Variants in ACOT2 observed in about 807,000 individuals in gnomAD.
The protein encoded by ACOT2 is acyl-coenzyme A thioesterase 2, mitochondrial.
In ACOT2, 15 loss-of-function variants were observed where a neutral mutation model predicts 20.1. The observed-to-expected ratio is 0.75, with a 90% confidence interval of 0.50 to 1.15. ACOT2 has a LOEUF of 1.15. Among genes scored for constraint, ACOT2 ranks in the 50% most tolerant of loss-of-function variants. The pLI is 0.00. For missense variants in ACOT2, 479 were observed against 615.3 expected, an observed-to-expected ratio of 0.78 and a Z score of 2.34; for synonymous variants, 252 against 268.4, an observed-to-expected ratio of 0.94 and a Z score of 0.60.
chr14:73,575,042 A>G lies in ACOT2; in HGVS notation c.981A>G (p.Leu327=). The change falls in exon 3 of 3, where the codon TTA becomes TTG. Residue 327 remains leucine, a synonymous_variant. Coordinates refer to ENST00000238651, the MANE Select transcript of ACOT2 (RefSeq NM_006821.6). ...NGSVANVGGT[L]HYKGETLPPV... Reference sequence around the variant, plus strand: ...CTGTGGCCAATGTTGGGGGAACCTTACACTACAAGGGCGAGACCCTGCCCC... The same window carrying G: ...CTGTGGCCAATGTTGGGGGAACCTTGCACTACAAGGGCGAGACCCTGCCCC... 6.3e-7 allele frequency: 1 copy of G among 1,581,134 alleles called. No homozygotes were observed.
chr14:73,570,548 GAC>G (rs1889708470), intron 1 of ACOT2, among the ~76,000 whole-genome samples: 1 of 151,744 alleles, frequency 6.6e-6, no homozygotes. Flanking sequence ...CAGCCTGGGC[GAC>G]AGAGCGAGAC....
In ACOT2 at chr14:73,575,592, T is replaced by C. The variant is rs1889865595; in HGVS notation, c.*79T>C. 1 of 1,569,420 alleles carries C rather than the reference T, an allele frequency of 6.4e-7. No homozygotes were observed. Among genetic ancestry groups the C allele is most frequent in the Non-Finnish European group, 8.6e-7 (1 of 1,163,146 alleles). ...CCACATTTAGTGTGTGTATGTGTAT[T>C]CATTCTTTTGTTTTTAATAACTAAA... On this transcript the variant is annotated 3_prime_UTR_variant, in exon 3 of 3. Transcript: ENST00000238651.
chr14:73,569,230 A>G lies in ACOT2; in HGVS notation c.-11A>G. On this transcript the variant is annotated 5_prime_UTR_variant, in exon 1 of 3. Coordinates refer to ENST00000238651, the MANE Select transcript of ACOT2 (RefSeq NM_006821.6). ...TAGTGGGCGCTTAGCCTGCGACGGC[A>G]GCCCGAGAGGATGTCTAACAAGCTT... is the stretch of plus-strand genomic sequence containing the variant. 6.2e-7 allele frequency: 1 copy of G among 1,612,666 alleles called. No homozygotes were observed. The highest frequency in any genetic ancestry group is 8.5e-7 in the Non-Finnish European group (1 of 1,178,890).
intron 1 of ACOT2, 79 bp downstream of exon 1, chr14:73,569,962 A>C (rs1240374609): frequency 3.4e-6 from 5 of 1,489,240 alleles, no homozygotes; most frequent in Non-Finnish European, 4.5e-6. Context: ...CTTTTCGCTT[A>C]TGTGTATGCC....
At position 73,575,089 on chromosome 14, in the gene ACOT2, G is replaced by A. The variant is rs556081405; in HGVS notation, c.1028G>A (p.Arg343His). 103 of 1,441,084 alleles carry A rather than the reference G, an allele frequency of 7.1e-5. 1 individual carries two copies. In the East Asian group the frequency reaches 1.6e-3, roughly 22 times the overall value. 89.3% of individuals were successfully genotyped at this position (1,441,084 alleles called of 1,614,324 possible). The change falls in exon 3 of 3, where the codon CGC becomes CAC. Residue 343 changes from arginine (R) to histidine (H), a missense_variant. By Grantham distance (29) the Arg-to-His change is conservative (BLOSUM62 0). This residue lies in a region of ACOT2 where 39 missense variants were observed against 108.0 expected (regional missense o/e 0.36). Coordinates refer to ENST00000238651, the MANE Select transcript of ACOT2 (RefSeq NM_006821.6). Reference sequence around the variant, plus strand: ...CCCCCTGTGGGCGTCAACAGAAATCGCATCAAGGTGACCAAAGATGGCTAT... The same window carrying A: ...CCCCCTGTGGGCGTCAACAGAAATCACATCAAGGTGACCAAAGATGGCTAT... ...TLPPVGVNRN[R>H]IKVTKDGYAD...
chr14:73,569,647 G>A lies in ACOT2; in HGVS notation c.407G>A (p.Gly136Glu). Residue 136 changes from glycine (G) to glutamate (E), a missense_variant, in exon 1 of 3, where the codon GGG becomes GAG. This residue lies in a region of ACOT2 where 400 missense variants were observed against 395.5 expected (regional missense o/e 1.01). Coordinates refer to ENST00000238651, the MANE Select transcript of ACOT2 (RefSeq NM_006821.6). ...RAPALGGSFA[G>E]LEPMGLLWAL... ...CCCGCGCTGGGCGGCAGCTTCGCGG[G>A]GCTTGAGCCCATGGGGCTGCTCTGG... 6.2e-7 allele frequency: 1 copy of A among 1,605,014 alleles called. No individual in the cohort carries two copies. The highest frequency in any genetic ancestry group is 8.5e-7 in the Non-Finnish European group (1 of 1,177,196).
chr14:73,573,443 G>A lies in ACOT2; in HGVS notation c.699G>A (p.Leu233=), dbSNP rs759526260. The change falls in exon 2 of 3, where the codon CTG becomes CTA. Residue 233 remains leucine (L), a synonymous_variant. Transcript: ENST00000238651. ...TGTTCGGAACTGGAGGTGGCCTGCT[G>A]GAGTATCGGGCTAGTCTGCTGGCTG... The part of the protein sequence containing the change: ...VDMFGTGGGL[L]EYRASLLAGK... 5.6e-6 allele frequency: 9 copies of A among 1,613,634 alleles called. No homozygotes were observed. The highest frequency in any genetic ancestry group is 6.8e-6 in the Non-Finnish European group (8 of 1,179,748).
At position 73,569,499 on chromosome 14, in the gene ACOT2, G is replaced by C. The variant is rs775355775; in HGVS notation, c.259G>C (p.Gly87Arg). ...CGAACCGGTGCGAATCGCCGTGCGC[G>C]GCCTAGCCCCGGAGCAGCCGGTCAC... The part of the protein sequence containing the change: ...WDEPVRIAVR[G>R]LAPEQPVTLR... The change falls in exon 1 of 3, where the codon GGC (glycine) becomes CGC (arginine). Residue 87 changes from glycine (G) to arginine (R), a missense_variant. Gly to Arg is a moderately radical substitution (Grantham distance 125). Transcript: ENST00000238651. The C allele has an allele frequency of 2.5e-6, 4 of 1,611,210 alleles. No individual in the cohort carries two copies. The highest frequency in any genetic ancestry group is 2.7e-5 in the African/African-American group (2 of 74,878).
intron 2 of ACOT2, chr14:73,574,221 A>G (rs907863799): frequency 8.2e-5 from 13 of 158,204 alleles, no homozygotes; most frequent in Non-Finnish European, 1.7e-4. Context: ...TCCTGCTAGT[A>G]AAGAGATTCG....
chr14:73,569,951 G>T, intron 1 of ACOT2, 68 bp downstream of exon 1: 2 of 1,513,972 alleles, frequency 1.3e-6, no homozygotes, highest in Non-Finnish European at 8.8e-7. Flanking sequence ...CCCGCCCCAC[G>T]CTTTTCGCTT....
intron 1 of ACOT2, chr14:73,571,243 C>T (rs1889739657): frequency 6.5e-6 from 1 of 153,806 alleles, no homozygotes; most frequent in South Asian, 2.0e-4. Flanking sequence ...CTATTGTGGC[C>T]TCTCCTCTTG....
intron 1 of ACOT2, 87 bp downstream of exon 1, chr14:73,569,970 G>T (rs1037725555): frequency 2.1e-6 from 3 of 1,458,954 alleles, no homozygotes; most frequent in Non-Finnish European, 1.8e-6. Flanking sequence ...TTATGTGTAT[G>T]CCCCCCCGCC....
chr14:73,573,586 C>G lies in ACOT2; in HGVS notation c.842C>G (p.Pro281Arg). 6.2e-7 allele frequency: 1 copy of G among 1,613,694 alleles called. No individual in the cohort carries two copies. The highest frequency in any genetic ancestry group is 8.5e-7 in the Non-Finnish European group (1 of 1,179,684). ...EEAMNYLLSH[P>R]EVKGPGVGLL... The stretch of plus-strand genomic sequence containing the variant: ...GCCATGAACTACTTGCTCAGTCATC[C>G]CGAGGTTAGTTCTTCTTTCAGATTT... The change falls in exon 2 of 3, where the codon CCC (proline) becomes CGC (arginine). Residue 281 changes from proline (P) to arginine (R), a missense_variant. Pro to Arg is a moderately radical substitution (Grantham distance 103). Transcript: ENST00000238651.
At position 73,575,433 on chromosome 14, in the gene ACOT2, G is replaced by A. The variant is rs749656008; in HGVS notation, c.1372G>A (p.Val458Met). Residue 458 changes from valine (V) to methionine (M), a missense_variant, in exon 3 of 3, where the codon GTG becomes ATG. By Grantham distance (21) the Val-to-Met change is conservative. This residue lies in a region of ACOT2 where 40 missense variants were observed against 93.4 expected (regional missense o/e 0.43). Coordinates refer to ENST00000238651, the MANE Select transcript of ACOT2 (RefSeq NM_006821.6). ...GEPRAHAMAQ[V>M]DAWKQLQTFF... Reference sequence around the variant, plus strand: ...GCCCAGGGCTCATGCCATGGCTCAGGTGGATGCTTGGAAACAACTCCAGAC... The same window carrying A: ...GCCCAGGGCTCATGCCATGGCTCAGATGGATGCTTGGAAACAACTCCAGAC... 1.7e-5 allele frequency: 23 copies of A among 1,383,770 alleles called. No individual in the cohort carries two copies. Among genetic ancestry groups the A allele is most frequent in the African/African-American group, 3.7e-5 (2 of 54,428 alleles). 85.7% of individuals were successfully genotyped at this position (1,383,770 alleles called of 1,614,324 possible).
At position 73,569,235 on chromosome 14, in the gene ACOT2, G is replaced by A; in HGVS notation, c.-6G>A. On this transcript the variant is annotated 5_prime_UTR_variant, in exon 1 of 3. Coordinates refer to ENST00000238651, the MANE Select transcript of ACOT2 (RefSeq NM_006821.6). ...GGCGCTTAGCCTGCGACGGCAGCCC[G>A]AGAGGATGTCTAACAAGCTTCTTTC... The A allele has an allele frequency of 1.2e-6, 2 of 1,612,960 alleles. No homozygotes were observed. The highest frequency in any genetic ancestry group is 1.7e-6 in the Non-Finnish European group (2 of 1,179,072).
chr14:73,575,527 A>C lies in ACOT2; in HGVS notation c.*14A>C, dbSNP rs769366087. Reference sequence around the variant, plus strand: ...TCAAAAGTGTAAATTTTATTTGATCATGTGGCCTCTCTGTTGCTAATCTCT... The same window carrying C: ...TCAAAAGTGTAAATTTTATTTGATCCTGTGGCCTCTCTGTTGCTAATCTCT... On this transcript the variant is annotated 3_prime_UTR_variant, in exon 3 of 3. Coordinates refer to ENST00000238651, the MANE Select transcript of ACOT2 (RefSeq NM_006821.6). 14 of 1,501,302 alleles carry C rather than the reference A, an allele frequency of 9.3e-6. No individual in the cohort carries two copies. In the Admixed American group the frequency reaches 3.2e-4, roughly 34 times the overall value. 93.0% of individuals were successfully genotyped at this position (1,501,302 alleles called of 1,614,324 possible). A position where few individuals can be genotyped will look rare whatever the true frequency, so the allele number is the denominator to read the frequency against.
upstream of ACOT2, chr14:73,567,630 A>T (rs1889629523): frequency 6.6e-6 from 1 of 152,054 alleles, no homozygotes; most frequent in South Asian, 2.1e-4. Flanking sequence ...AACCTGCGTG[A>T]GTTCCGCTCC....
intron 1 of ACOT2, among the ~76,000 whole-genome samples, chr14:73,570,568 C>CA (rs199619791): frequency 6.8e-3 from 986 of 144,042 alleles, no homozygotes; most frequent in African/African-American, 0.024. Context: ...GACTCCGTCT[C>CA]AAAAAAAAGA....
rs1595169189 is a variant in ACOT2 at position 73,570,183 on chromosome 14, G to A, written c.643+300G>A. 1.3e-5 allele frequency among the ~76,000 whole-genome samples: 2 copies of A among 151,544 alleles called. 1 individual carries two copies. Among genetic ancestry groups the A allele is most frequent in the Middle Eastern group, 6.8e-3 (2 of 294 alleles). ...AGCTTCCAACCTTCCGGAGGTTAGT[G>A]TAAAGAAACAGGAATGGAATGGAAA... On this transcript the variant is annotated intron_variant, in intron 1 of 2. Coordinates refer to ENST00000238651, the MANE Select transcript of ACOT2 (RefSeq NM_006821.6).
Sources: gnomAD v4.1 joint callset for allele counts (sites outside exome capture counted in the v4.1 genomes callset) on GRCh38, gnomAD v4.1.1 for gene constraint, gnomAD v4.1.1 regional missense constraint, MANE v1.5 for transcripts, NCBI Gene and HGNC (gene_info 2026-07-23, HGNC 2026-07-21) for gene names.